VAV3: variants seen among roughly 807,000 people sequenced by gnomAD.
VAV3 encodes the protein guanine nucleotide exchange factor VAV3.
In VAV3, 94 loss-of-function variants were observed where a neutral mutation model predicts 131.2. That is an observed-to-expected ratio of 0.72 (90% CI 0.61 to 0.85). VAV3 has a LOEUF of 0.85. Ranked by LOEUF, VAV3 falls within the 40% of genes least tolerant of loss-of-function variation. The probability of loss-of-function intolerance (pLI) is 0.00; values close to 1 mark genes in which losing one functional copy is unlikely to be tolerated. For missense variants in VAV3, 939 were observed against 1,002.7 expected, an observed-to-expected ratio of 0.94 and a Z score of 0.86; for synonymous variants, 349 against 342.0, an observed-to-expected ratio of 1.02 and a Z score of -0.22.
rs576082915 is a variant in VAV3 at position 107,661,995 on chromosome 1, T to TA, written c.1778-19241dup. On this transcript the variant is annotated intron_variant, in intron 19 of 26. Transcript: ENST00000370056. Reference sequence around the variant, plus strand: ...ATTATTACTTAGATTTTCAAGTCACTATGTGCCTATAAGCAAAAGAATTAA... The same window carrying TA: ...ATTATTACTTAGATTTTCAAGTCACTAATGTGCCTATAAGCAAAAGAATTAA... Among the ~76,000 whole-genome samples the TA allele has an allele frequency of 6.0e-4, 91 of 152,334 alleles. 1 individual carries two copies. Among genetic ancestry groups the TA allele is most frequent in the Admixed American group, 5.0e-3 (76 of 15,298 alleles).
Position 107,573,379 on chromosome 1 carries a change from A to T in VAV3, c.2503-7T>A. On this transcript the variant is annotated splice_region_variant and splice_polypyrimidine_tract_variant and intron_variant, in intron 26 of 26. Coordinates refer to ENST00000370056, the MANE Select transcript of VAV3 (RefSeq NM_006113.5). ...TGGATGGAAACCAGCCCACCTAAAA[A>T]AGAAAAGCAACCAACACAGCAACAT... 1 of 1,614,100 alleles carries T rather than the reference A, an allele frequency of 6.2e-7. No individual in the cohort carries two copies. Among genetic ancestry groups the T allele is most frequent in the Non-Finnish European group, 8.5e-7 (1 of 1,180,014 alleles).
At chr1:107,691,964 T>G (rs1162481191) in intron 17 of VAV3, among the ~76,000 whole-genome samples, 2 of 152,188 alleles carry the variant, frequency 1.3e-5, no homozygotes, top group Non-Finnish European at 2.9e-5. Context: ...TATTTTGTTT[T>G]TCAATACAAG....
intron 1 of VAV3, among the ~76,000 whole-genome samples, chr1:107,892,658 G>T (rs1385206209): frequency 3.3e-5 from 5 of 151,084 alleles, no homozygotes; most frequent in Non-Finnish European, 7.4e-5. Flanking sequence ...TATATATAAA[G>T]ACTACAATAA....
At chr1:107,766,690 T>A in intron 7 of VAV3, 140 bp from the exon 8 acceptor site, 5 of 636,672 alleles carry the variant, frequency 7.9e-6, no homozygotes, top group South Asian at 3.8e-5. Context: ...CTTCCACCAA[T>A]AAAGAGAGAG....
chr1:107,617,056 CTG>C (rs1253886380), intron 21 of VAV3, among the ~76,000 whole-genome samples: 19 of 152,156 alleles, frequency 1.2e-4, no homozygotes, highest in African/African-American at 4.3e-4. Context: ...CTCCTTTTAT[CTG>C]TGTTTTATAT....
At chr1:107,954,506 A>G (rs1286966539) in intron 1 of VAV3, among the ~76,000 whole-genome samples, 1 of 151,426 alleles carries the variant, frequency 6.6e-6, no homozygotes, top group African/African-American at 2.4e-5. Context: ...TGTGTATGAA[A>G]TCATCCAGAT....
rs1376410903 is a variant in VAV3 at position 107,766,447 on chromosome 1, C to G, written c.821G>C (p.Arg274Thr). 6.2e-7 allele frequency: 1 copy of G among 1,602,210 alleles called. No individual in the cohort carries two copies. The highest frequency in any genetic ancestry group is 2.2e-5 in the East Asian group (1 of 44,800). The change falls in exon 8 of 27, where the codon AGA becomes ACA. Residue 274 changes from arginine (R) to threonine (T), a missense_variant and splice_region_variant. Coordinates refer to ENST00000370056, the MANE Select transcript of VAV3 (RefSeq NM_006113.5). ...ACAAAACTTAAACTTCAAAAGTTACCTTTCCTTGTAGTTAATAAAAACTTG... is the reference window on the plus strand; with the variant it reads ...ACAAAACTTAAACTTCAAAAGTTACGTTTCCTTGTAGTTAATAAAAACTTG... ...LYQVFINYKE[R>T]LVIYGQYCSG...
At chr1:107,745,298 C>T (rs1663271808) in intron 15 of VAV3, among the ~76,000 whole-genome samples, 1 of 152,124 alleles carries the variant, frequency 6.6e-6, no homozygotes, top group Non-Finnish European at 1.5e-5. Context: ...CCCAGAACTA[C>T]AGCCCTTGCA....
At chr1:107,895,225 G>A (rs1671510930) in intron 1 of VAV3, among the ~76,000 whole-genome samples, 1 of 152,146 alleles carries the variant, frequency 6.6e-6, no homozygotes, top group African/African-American at 2.4e-5. Flanking sequence ...GAAGGAATCG[G>A]ACTCTCACCC....
chr1:107,669,129 A>C, intron 19 of VAV3: 1 of 1,088,106 alleles, frequency 9.2e-7, no homozygotes, highest in Non-Finnish European at 1.1e-6. Context: ...AAGACAGAAA[A>C]ATTCTTGGCT....
At chr1:107,863,649 T>C (rs1000445751) in intron 2 of VAV3, among the ~76,000 whole-genome samples, 1 of 152,198 alleles carries the variant, frequency 6.6e-6, no homozygotes, top group Admixed American at 6.5e-5. Flanking sequence ...CCTTCCTAAA[T>C]AACTTTCCCT....
At chr1:107,716,741 T>C (rs1213529327) in intron 15 of VAV3, among the ~76,000 whole-genome samples, 1 of 152,188 alleles carries the variant, frequency 6.6e-6, no homozygotes, top group Non-Finnish European at 1.5e-5. Flanking sequence ...ATCAGGATGA[T>C]GCTGGCCTCA....
At chr1:107,920,260 T>C (rs1410261816) in intron 1 of VAV3, among the ~76,000 whole-genome samples, 1 of 152,238 alleles carries the variant, frequency 6.6e-6, no homozygotes, top group Non-Finnish European at 1.5e-5. Flanking sequence ...TCTAAAGATT[T>C]GCTTAAACCA....
intron 2 of VAV3, among the ~76,000 whole-genome samples, chr1:107,809,004 A>T (rs1231861308): frequency 1.3e-5 from 2 of 152,162 alleles, no homozygotes; most frequent in African/African-American, 4.8e-5. Flanking sequence ...CCTAGAAATA[A>T]GCTATTCTAA....
chr1:107,665,709 G>A (rs1432299962), intron 19 of VAV3, among the ~76,000 whole-genome samples: 3 of 152,204 alleles, frequency 2.0e-5, no homozygotes, highest in South Asian at 4.1e-4. Flanking sequence ...GCTGAGGGCA[G>A]AGCCAGTGTC....
At chr1:107,683,404 C>T (rs1474713649) in intron 19 of VAV3, 84 bp downstream of exon 19, 13 of 1,496,342 alleles carry the variant, frequency 8.7e-6, no homozygotes, top group Admixed American at 3.4e-5. Flanking sequence ...CAACAATATG[C>T]CTCACTTTCC....
At chr1:107,649,306 G>A (rs905220230) in intron 19 of VAV3, among the ~76,000 whole-genome samples, 2 of 152,092 alleles carry the variant, frequency 1.3e-5, no homozygotes, top group East Asian at 3.9e-4. Flanking sequence ...GACACCAGCG[G>A]CTGAAGAGGA....
In VAV3 at chr1:107,760,866, CT is replaced by C. The variant is rs750952698; in HGVS notation, c.934del (p.Arg312GlufsTer21). The C allele has an allele frequency of 1.2e-6, 2 of 1,613,434 alleles. No homozygotes were observed. Among genetic ancestry groups the C allele is most frequent in the Non-Finnish European group, 1.7e-6 (2 of 1,179,534 alleles). ...VKLKLEECSK[R>X]ANNGKFTLRD... Reference sequence around the variant, plus strand: ...AAGAGTAAATTTCCCATTATTTGCTCTTTTGGAACATTCCTAATGAAATGTT... The same window carrying C: ...AAGAGTAAATTTCCCATTATTTGCTCTTTGGAACATTCCTAATGAAATGTT... On this transcript the variant is annotated frameshift_variant, in exon 10 of 27. Coordinates refer to ENST00000370056, the MANE Select transcript of VAV3 (RefSeq NM_006113.5). LOFTEE classifies it high-confidence loss of function.
chr1:107,856,525 G>T (rs905869524), intron 2 of VAV3, among the ~76,000 whole-genome samples: 4 of 151,218 alleles, frequency 2.6e-5, no homozygotes, highest in Non-Finnish European at 4.4e-5. Flanking sequence ...CCCCAGGACC[G>T]AAATATTAAA....
Sources: gnomAD v4.1 joint callset for allele counts (sites outside exome capture counted in the v4.1 genomes callset) on GRCh38, gnomAD v4.1.1 for gene constraint, MANE v1.5 for transcripts, NCBI Gene and HGNC (gene_info 2026-07-23, HGNC 2026-07-21) for gene names.